Variants in ITGAX observed in about 807,000 individuals in gnomAD.
ITGAX encodes integrin alpha-X.
Under a neutral mutation model 140.2 loss-of-function variants are expected in ITGAX, and 99 were observed. The observed-to-expected ratio is 0.71, with a 90% CI of 0.60 to 0.83. ITGAX has a LOEUF of 0.83. Ranked by LOEUF, ITGAX falls within the 40% of genes least tolerant of loss-of-function variation. The pLI is 0.00. For missense variants in ITGAX, 1,444 were observed against 1,482.0 expected (o/e 0.97, Z 0.42); for synonymous variants, 631 against 600.4 (o/e 1.05, Z -0.75).
At chr16:31,362,010 T>A in intron 10 of ITGAX, 65 bp from the exon 11 acceptor site, 2 of 1,613,264 alleles carry the variant, frequency 1.2e-6, no homozygotes, top group Non-Finnish European at 1.7e-6. Flanking sequence ...GCGGAAGGCA[T>A]ATCTCTGGTA....
intron 1 of ITGAX, among the ~76,000 whole-genome samples, chr16:31,355,686 G>A (rs548633603): frequency 6.6e-6 from 1 of 152,272 alleles, no homozygotes; most frequent in East Asian, 1.9e-4. Flanking sequence ...TGCAGAAATG[G>A]AGAACTGCAA....
chr16:31,357,422 G>C, intron 5 of ITGAX, 58 bp downstream of exon 5: 2 of 1,149,636 alleles, frequency 1.7e-6, no homozygotes, highest in Non-Finnish European at 2.5e-6. Flanking sequence ...TTGGGGGTGC[G>C]GTGGGCTAGA....
chr16:31,373,450 G>C, intron 20 of ITGAX, 60 bp downstream of exon 20: 1 of 1,523,290 alleles, frequency 6.6e-7, no homozygotes, highest in East Asian at 2.4e-5. Flanking sequence ...ATTCCCGTGC[G>C]GTTCAGAACC....
At chr16:31,362,341 T>A (rs2080838251) in intron 11 of ITGAX, 137 bp downstream of exon 11, 2 of 455,178 alleles carry the variant, frequency 4.4e-6, no homozygotes, top group Non-Finnish European at 6.1e-6. Flanking sequence ...ATGGGCACTG[T>A]GCTGCCCGGG....
chr16:31,360,376 T>G lies in ITGAX; in HGVS notation c.774T>G (p.Thr258=), dbSNP rs750912200. The G allele has an allele frequency of 6.2e-7, 1 of 1,614,056 alleles. No individual in the cohort carries two copies. The highest frequency in any genetic ancestry group is 8.5e-7 in the Non-Finnish European group (1 of 1,179,986). The change falls in exon 8 of 30, where the codon ACT becomes ACG. Residue 258 remains threonine, a synonymous_variant. Coordinates refer to ENST00000268296, the MANE Select transcript of ITGAX (RefSeq NM_000887.5). ...RDAAKILIVI[T]DGKKEGDSLD... ...CCGCCAAAATTCTCATTGTCATCAC[T>G]GATGGGAAGAAAGAAGGCGACAGCC...
At position 31,372,157 on chromosome 16, in the gene ITGAX, G is replaced by A. The variant is rs567798527; in HGVS notation, c.2161-221G>A. On this transcript the variant is annotated intron_variant, in intron 17 of 29. Transcript: ENST00000268296. ...GTGGCCAAAACAGTCATTGCTGATCGGGAGGTCTGGGGGGGGGGAGGAAAA... is the reference window on the plus strand; with the variant it reads ...GTGGCCAAAACAGTCATTGCTGATCAGGAGGTCTGGGGGGGGGGAGGAAAA... Among the ~76,000 whole-genome samples the A allele has an allele frequency of 1.1e-3, 162 of 148,830 alleles. 1 individual carries two copies. Among genetic ancestry groups the A allele is most frequent in the African/African-American group, 4.0e-3 (158 of 39,480 alleles).
intron 14 of ITGAX, among the ~76,000 whole-genome samples, chr16:31,369,298 C>A (rs560708226): frequency 2.1e-5 from 3 of 143,478 alleles, no homozygotes; most frequent in East Asian, 2.1e-4. Context: ...GACCCCCCCC[C>A]CCACCTCCCT....
intron 28 of ITGAX, 90 bp downstream of exon 28, chr16:31,380,714 G>T: frequency 2.0e-6 from 3 of 1,518,816 alleles, no homozygotes; most frequent in Non-Finnish European, 2.7e-6. Flanking sequence ...TGCAAGCCTT[G>T]GGGGAGGAGG....
rs1470680452 is a variant in ITGAX at position 31,379,864 on chromosome 16, G to A, written c.2976G>A (p.Gln992=). 2.3e-5 allele frequency: 37 copies of A among 1,613,808 alleles called. No homozygotes were observed. The highest frequency in any genetic ancestry group is 3.0e-5 in the Non-Finnish European group (35 of 1,179,840). The part of the protein sequence containing the change: ...VWMDVEVSHP[Q]NPSLRCSSEK... The stretch of plus-strand genomic sequence containing the variant: ...TGGATGTGGAGGTCTCCCACCCCCA[G>A]GTACCCAAGGACTGCATGTGGCTCC... Residue 992 remains glutamine (Q), a splice_region_variant and synonymous_variant, in exon 25 of 30, where the codon CAG becomes CAA. Transcript: ENST00000268296.
rs1034542068 is a variant in ITGAX at position 31,379,781 on chromosome 16, C to T, written c.2893C>T (p.Leu965=). 3 of 1,614,008 alleles carry T rather than the reference C, an allele frequency of 1.9e-6. No homozygotes were observed. Among genetic ancestry groups the T allele is most frequent in the Non-Finnish European group, 2.5e-6 (3 of 1,180,008 alleles). The change falls in exon 25 of 30, where the codon CTG becomes TTG. Residue 965 remains leucine, a synonymous_variant. Coordinates refer to ENST00000268296, the MANE Select transcript of ITGAX (RefSeq NM_000887.5). ...YQVNNLGQRD[L]PVSINFWVPV... is the part of the protein sequence containing the mutation. ...GGTCAATAACCTGGGACAGAGGGAC[C>T]TGCCTGTCAGCATCAACTTCTGGGT...
intron 14 of ITGAX, among the ~76,000 whole-genome samples, chr16:31,369,556 AC>A (rs2080934366): frequency 6.6e-6 from 1 of 152,240 alleles, no homozygotes; most frequent in African/African-American, 2.4e-5. Context: ...AGCAGTTGCC[AC>A]TGTGATCAGT....
intron 9 of ITGAX, 57 bp from the exon 10 acceptor site, chr16:31,361,779 T>C (rs1737925256): frequency 6.4e-7 from 1 of 1,564,826 alleles, no homozygotes; most frequent in Non-Finnish European, 8.8e-7. Flanking sequence ...GAAGTGTTCT[T>C]GGACCTGGCA....
rs2080762924 is a variant in ITGAX at position 31,356,642 on chromosome 16, C to T, written c.161C>T (p.Pro54Leu). ...CCTCGCAGGGTGGTGGTTGGAGCCC[C>T]CCAAAAGATAACAGCTGCCAACCAA... ...YANSWVVVGA[P>L]QKITAANQTG... is the part of the protein sequence containing the mutation. The change falls in exon 3 of 30, where the codon CCC (proline) becomes CTC (leucine). Residue 54 changes from proline (P) to leucine (L), a missense_variant. Transcript: ENST00000268296. 1 of 1,599,608 alleles carries T rather than the reference C, an allele frequency of 6.3e-7. No individual in the cohort carries two copies. The highest frequency in any genetic ancestry group is 1.1e-5 in the South Asian group (1 of 88,172).
chr16:31,357,165 G>C lies in ITGAX; in HGVS notation c.318+64G>C, dbSNP rs746049384. On this transcript the variant is annotated intron_variant, in intron 4 of 29. Coordinates refer to ENST00000268296, the MANE Select transcript of ITGAX (RefSeq NM_000887.5). ...GAGGGAGGAGCCGGGGCCGCGGGGGGCTGGGAGTCTCCTGTAGGGTGGAGG... is the reference window on the plus strand; with the variant it reads ...GAGGGAGGAGCCGGGGCCGCGGGGGCCTGGGAGTCTCCTGTAGGGTGGAGG... The C allele has an allele frequency of 5.1e-6, 8 of 1,560,368 alleles. No homozygotes were observed. In the Admixed American group the frequency reaches 9.3e-5, roughly 18 times the overall value.
At chr16:31,357,516 C>T in intron 5 of ITGAX, 152 bp downstream of exon 5, 1 of 599,568 alleles carries the variant, frequency 1.7e-6, no homozygotes, top group Non-Finnish European at 2.9e-6. Flanking sequence ...CGCTGCTGCC[C>T]GCACATCCTG....
At chr16:31,367,367 G>A (rs893819201) in intron 14 of ITGAX, among the ~76,000 whole-genome samples, 1 of 152,234 alleles carries the variant, frequency 6.6e-6, no homozygotes, top group African/African-American at 2.4e-5. Flanking sequence ...ATGGCATCTA[G>A]GACTTTCAGA....
Position 31,382,505 on chromosome 16 carries a change from G to C in ITGAX, c.*598G>C, listed in dbSNP as rs1258222231. 2 of 1,468,286 alleles carry C rather than the reference G, an allele frequency of 1.4e-6. No homozygotes were observed. The highest frequency in any genetic ancestry group is 2.8e-5 in the African/African-American group (2 of 71,604). The allele number at this position is 1,468,286 out of a possible 1,614,324, so 91.0% of individuals were successfully genotyped here. A position where few individuals can be genotyped will look rare whatever the true frequency, so the allele number is the denominator to read the frequency against. On this transcript the variant is annotated 3_prime_UTR_variant, in exon 30 of 30. Coordinates refer to ENST00000268296, the MANE Select transcript of ITGAX (RefSeq NM_000887.5). ...CTCAGGACAATGTCTGAACTCTCCA[G>C]CTTCGCGTGAGAAGTCCCCTTCCAT... is the stretch of plus-strand genomic sequence containing the variant.
chr16:31,361,734 C>T, intron 9 of ITGAX, 102 bp from the exon 10 acceptor site: 4 of 1,257,282 alleles, frequency 3.2e-6, no homozygotes, highest in Non-Finnish European at 4.6e-6. Context: ...CACCAGCTCT[C>T]CCTGTAGCCT....
rs1192214522 is a variant in ITGAX, at chr16:31,380,982, C to T, written c.3362C>T (p.Ala1121Val). The stretch of plus-strand genomic sequence containing the variant: ...TCCATTGGGGGTCTGTTGCTGCTGG[C>T]ACTCATCACAGCGGTACTGTACAAA... ...GSSIGGLLLL[A>V]LITAVLYKVG... is the part of the protein sequence containing the mutation. Residue 1121 changes from alanine (A) to valine (V), a missense_variant, in exon 29 of 30, where the codon GCA (alanine) becomes GTA (valine). Coordinates refer to ENST00000268296, the MANE Select transcript of ITGAX (RefSeq NM_000887.5). 7.4e-6 allele frequency: 12 copies of T among 1,613,834 alleles called. No individual in the cohort carries two copies. Among genetic ancestry groups the T allele is most frequent in the Non-Finnish European group, 1.0e-5 (12 of 1,179,852 alleles).
Sources: gnomAD v4.1 joint callset for allele counts (sites outside exome capture counted in the v4.1 genomes callset) on GRCh38, gnomAD v4.1.1 for gene constraint, MANE v1.5 for transcripts, NCBI Gene and HGNC (gene_info 2026-07-23, HGNC 2026-07-21) for gene names.